ASCC3: variants seen among roughly 807,000 people sequenced by gnomAD.
The protein encoded by ASCC3 is activating signal cointegrator 1 complex subunit 3.
ASCC3 carries 158 observed loss-of-function variants against 256.3 expected under a neutral mutation model. The ratio of observed to expected loss-of-function variants is 0.62; its 90% CI spans 0.54 to 0.70. ASCC3 has a LOEUF of 0.70. ASCC3 is among the 30% of genes least tolerant of loss of function. The pLI, the probability that ASCC3 is intolerant of heterozygous loss-of-function variation, is 0.00. For missense variants in ASCC3, 2,259 were observed against 2,626.0 expected (o/e 0.86, Z 3.05); for synonymous variants, 948 against 883.4 (o/e 1.07, Z -1.30).
At position 100,509,964 on chromosome 6, in the gene ASCC3, G is replaced by T; in HGVS notation, c.6429C>A (p.Ser2143=). 6.2e-7 allele frequency: 1 copy of T among 1,613,708 alleles called. No individual in the cohort carries two copies. The highest frequency in any genetic ancestry group is 8.5e-7 in the Non-Finnish European group (1 of 1,179,890). Residue 2143 remains serine, a synonymous_variant, in exon 41 of 42, where the codon TCC becomes TCA. Coordinates refer to ENST00000369162, the MANE Select transcript of ASCC3 (RefSeq NM_006828.4). ...VGYIRNHHVA[S]LSFYTPEIPG... is the part of the protein sequence containing the mutation. ...GTATTTCAGGGGTATAAAAAGAAAG[G>T]GAAGCAACATGATGATTTCGAATAT...
At chr6:100,764,462 C>G (rs1214984095) in intron 10 of ASCC3, among the ~76,000 whole-genome samples, 1 of 152,058 alleles carries the variant, frequency 6.6e-6, no homozygotes, top group African/African-American at 2.4e-5. Flanking sequence ...CAAAAATGGC[C>G]TGACTATAGT....
At chr6:100,640,006 T>C (rs1262195052) in intron 24 of ASCC3, among the ~76,000 whole-genome samples, 1 of 152,004 alleles carries the variant, frequency 6.6e-6, no homozygotes, top group Non-Finnish European at 1.5e-5. Context: ...TCCCAGCTAC[T>C]CGGGAGGCTG....
chr6:100,530,600 G>T, intron 37 of ASCC3: 3 of 794,484 alleles, frequency 3.8e-6, no homozygotes, highest in Non-Finnish European at 7.0e-6. Context: ...TTGCATGGAT[G>T]TTCAGAGCAG....
chr6:100,591,482 G>A (rs1433633656), intron 34 of ASCC3, among the ~76,000 whole-genome samples: 1 of 151,874 alleles, frequency 6.6e-6, no homozygotes, highest in African/African-American at 2.4e-5. Flanking sequence ...GGCTTACTAA[G>A]CCTATAAATT....
rs140730078 is a variant in ASCC3 at position 100,652,799 on chromosome 6, G to T, written c.2914C>A (p.Arg972=). ...DKAQMIRFEE[R]TGYFSSTDLG... ...TCAGTTGAGGAAAAATATCCAGTTC[G>T]CTCCTCAAAACGAATCATCTGAGCT... is the stretch of plus-strand genomic sequence containing the variant. Residue 972 remains arginine, a synonymous_variant, in exon 18 of 42, where the codon CGA becomes AGA. Coordinates refer to ENST00000369162, the MANE Select transcript of ASCC3 (RefSeq NM_006828.4). 28 of 1,613,652 alleles carry T rather than the reference G, an allele frequency of 1.7e-5. No homozygotes were observed. In the African/African-American group the frequency reaches 3.7e-4, roughly 22 times the overall value.
At chr6:100,824,252 A>G (rs1297289319) in intron 4 of ASCC3, among the ~76,000 whole-genome samples, 1 of 152,234 alleles carries the variant, frequency 6.6e-6, no homozygotes, top group African/African-American at 2.4e-5. Flanking sequence ...ACAGTGTTTA[A>G]GAAATAATTA....
intron 8 of ASCC3, among the ~76,000 whole-genome samples, chr6:100,783,864 GT>G (rs988256452): frequency 8.6e-5 from 13 of 151,548 alleles, no homozygotes; most frequent in Non-Finnish European, 1.8e-4. Context: ...TACATATGAG[GT>G]TTTGTTTTAA....
chr6:100,589,961 A>G lies in ASCC3; in HGVS notation c.5402T>C (p.Ile1801Thr), dbSNP rs1771916751. 13 of 1,612,470 alleles carry G rather than the reference A, an allele frequency of 8.1e-6. No homozygotes were observed. Among genetic ancestry groups the G allele is most frequent in the Non-Finnish European group, 1.1e-5 (13 of 1,178,640 alleles). The change falls in exon 35 of 42, where the codon ATT (isoleucine) becomes ACT (threonine). Residue 1801 changes from isoleucine (I) to threonine (T), a missense_variant. Coordinates refer to ENST00000369162, the MANE Select transcript of ASCC3 (RefSeq NM_006828.4). ...SLIELELSYC[I>T]EIGEDNRSIE... ...ACTAAGTCATACCTCTCCAATTTCA[A>G]TACAGTAGGAAAGTTCCAATTCAAT...
At chr6:100,816,084 AG>A (rs2114403374) in intron 4 of ASCC3, among the ~76,000 whole-genome samples, 1 of 152,152 alleles carries the variant, frequency 6.6e-6, no homozygotes, top group East Asian at 1.9e-4. Flanking sequence ...CAATCCCATT[AG>A]GAAGTGGGCA....
At chr6:100,877,709 C>G (rs899459134) in intron 1 of ASCC3, among the ~76,000 whole-genome samples, 3 of 152,094 alleles carry the variant, frequency 2.0e-5, no homozygotes, top group Non-Finnish European at 4.4e-5. Flanking sequence ...CAGAGACAGA[C>G]AAAAACAATA....
chr6:100,822,479 G>A (rs1771094847), intron 4 of ASCC3, among the ~76,000 whole-genome samples: 1 of 150,170 alleles, frequency 6.7e-6, no homozygotes, highest in Admixed American at 6.6e-5. Flanking sequence ...AGAGGTTGCA[G>A]TGATCCAAGA....
chr6:100,603,044 T>C (rs1329942966), intron 33 of ASCC3, among the ~76,000 whole-genome samples: 1 of 152,148 alleles, frequency 6.6e-6, no homozygotes, highest in African/African-American at 2.4e-5. Context: ...AACCAGCAAT[T>C]TCACTTTTTC....
At chr6:100,776,771 C>T (rs748010119) in intron 8 of ASCC3, among the ~76,000 whole-genome samples, 7 of 151,844 alleles carry the variant, frequency 4.6e-5, no homozygotes, top group Non-Finnish European at 8.8e-5. Flanking sequence ...AAAGCATTAA[C>T]TAAGTATCTA....
intron 37 of ASCC3, among the ~76,000 whole-genome samples, chr6:100,531,967 G>T (rs894712620): frequency 6.6e-6 from 1 of 151,724 alleles, no homozygotes; most frequent in Non-Finnish European, 1.5e-5. Context: ...TAGGCATGAG[G>T]GTTTATTTTT....
At chr6:100,608,097 C>T (rs569356766) in intron 30 of ASCC3, among the ~76,000 whole-genome samples, 10,571 of 44,412 alleles carry the variant, frequency 0.24, 1,278 homozygotes, top group East Asian at 0.54. Context: ...TATCTATATA[C>T]ACATATATAT....
chr6:100,640,724 T>G (rs1775081797), intron 24 of ASCC3, among the ~76,000 whole-genome samples: 1 of 152,152 alleles, frequency 6.6e-6, no homozygotes, highest in African/African-American at 2.4e-5. Flanking sequence ...AATCTCATTA[T>G]TTTTCTATGT....
chr6:100,826,260 T>C (rs1771302614), intron 4 of ASCC3, among the ~76,000 whole-genome samples: 1 of 151,988 alleles, frequency 6.6e-6, no homozygotes, highest in African/African-American at 2.4e-5. Context: ...GCCTCCTGAG[T>C]AGCTGGGACT....
intron 37 of ASCC3, chr6:100,530,604 A>G: frequency 1.3e-6 from 1 of 795,798 alleles, no homozygotes; most frequent in East Asian, 2.4e-5. Flanking sequence ...ATGGATGTTC[A>G]GAGCAGCAAT....
At chr6:100,798,578 C>G (rs1239597242) in intron 8 of ASCC3, 135 bp downstream of exon 8, 2 of 1,315,934 alleles carry the variant, frequency 1.5e-6, no homozygotes, top group African/African-American at 1.5e-5. Flanking sequence ...TACTGTAATT[C>G]TCTAGTAACC....
Sources: allele counts gnomAD v4.1 joint callset (sites outside exome capture counted in the v4.1 genomes callset), GRCh38; gene constraint gnomAD v4.1.1; transcripts MANE v1.5; gene names NCBI Gene and HGNC (gene_info 2026-07-23, HGNC 2026-07-21).